Variants in HSPA9 observed in about 807,000 individuals in gnomAD.
HSPA9 encodes the protein heat shock protein family A (Hsp70) member 9.
A neutral mutation model predicts 81.5 loss-of-function variants in HSPA9; 28 were observed. The observed-to-expected ratio is 0.34, with a 90% confidence interval of 0.25 to 0.47. The LOEUF (loss-of-function observed/expected upper bound fraction) is 0.47. Among genes scored for constraint, HSPA9 ranks in the 20% least tolerant of loss-of-function variants. The pLI is 1.00. For synonymous variants in HSPA9, 293 were observed against 290.4 expected (o/e 1.01, Z -0.09); for missense variants, 678 against 838.0 (o/e 0.81, Z 2.36).
intron 3 of HSPA9, among the ~76,000 whole-genome samples, chr5:138,572,971 C>A (rs1306226801): frequency 6.6e-6 from 1 of 152,062 alleles, no homozygotes; most frequent in Non-Finnish European, 1.5e-5. Flanking sequence ...TCTTGGCTCA[C>A]TGCAACCTCC....
At chr5:138,574,019 T>G in intron 2 of HSPA9, 49 bp downstream of exon 2, 1 of 1,460,056 alleles carries the variant, frequency 6.8e-7, no homozygotes, top group Non-Finnish European at 9.6e-7. Context: ...AAACACTGCT[T>G]TGAAGTTTAA....
intron 11 of HSPA9, 23 bp from the exon 12 acceptor site, chr5:138,558,680 G>A: frequency 2.1e-6 from 3 of 1,458,608 alleles, no homozygotes; most frequent in Non-Finnish European, 2.9e-6. Context: ...AAACCCTCCT[G>A]GGTTGTCAAT....
intron 3 of HSPA9, among the ~76,000 whole-genome samples, chr5:138,571,460 A>G (rs1750888365): frequency 6.6e-6 from 1 of 151,528 alleles, no homozygotes; most frequent in Admixed American, 6.6e-5. Context: ...GTTGCGATAC[A>G]GGCATGAGCC....
At chr5:138,565,870 G>C (rs1320131352) in intron 9 of HSPA9, among the ~76,000 whole-genome samples, 4 of 152,128 alleles carry the variant, frequency 2.6e-5, no homozygotes, top group African/African-American at 7.2e-5. Flanking sequence ...ACTATGACCA[G>C]CTAATTTTTC....
At chr5:138,559,645 AATC>A in intron 11 of HSPA9, 1 of 527,454 alleles carries the variant, frequency 1.9e-6, no homozygotes, top group Non-Finnish European at 3.4e-6. Flanking sequence ...TCCTTCTTAT[AATC>A]ATCACTACCA....
chr5:138,561,950 T>A (rs1304926365), intron 9 of HSPA9, among the ~76,000 whole-genome samples, 161 bp from the exon 10 acceptor site: 1 of 151,972 alleles, frequency 6.6e-6, no homozygotes, highest in Non-Finnish European at 1.5e-5. Flanking sequence ...AATACTTTTT[T>A]TTTTTTTGAG....
intron 12 of HSPA9, among the ~76,000 whole-genome samples, 169 bp downstream of exon 12, chr5:138,558,384 G>C (rs1442233003): frequency 1.3e-5 from 2 of 151,752 alleles, no homozygotes; most frequent in African/African-American, 4.8e-5. Context: ...AAAAAGCAAG[G>C]CTTTCAGGTA....
chr5:138,570,018 T>C (rs1161174087), intron 4 of HSPA9, among the ~76,000 whole-genome samples: 3 of 151,640 alleles, frequency 2.0e-5, no homozygotes, highest in African/African-American at 4.8e-5. Flanking sequence ...GCTGGGACTA[T>C]AGGCGCGCAC....
rs1750668022 is a variant in HSPA9 at position 138,561,892 on chromosome 5, C to T, written c.973-103G>A. 4.5e-6 allele frequency: 4 copies of T among 898,446 alleles called. No individual in the cohort carries two copies. In the Admixed American group the frequency reaches 5.2e-5, roughly 12 times the overall value. The allele number at this position is 898,446 out of a possible 1,614,324, so 55.7% of individuals were successfully genotyped here. A position where few individuals can be genotyped will look rare whatever the true frequency, so the allele number is the denominator to read the frequency against. On this transcript the variant is annotated intron_variant, in intron 9 of 16. Transcript: ENST00000297185. ...ACCATGCCCTAGGACAGAAGACTTG[C>T]AAAACCAAAGGGAGGGTGAGATCTA... is the stretch of plus-strand genomic sequence containing the variant.
chr5:138,561,327 T>C (rs1296663009), intron 10 of HSPA9, among the ~76,000 whole-genome samples: 1 of 152,070 alleles, frequency 6.6e-6, no homozygotes, highest in Non-Finnish European at 1.5e-5. Context: ...TACATATATA[T>C]ATATAAATTA....
intron 16 of HSPA9, 61 bp from the exon 17 acceptor site, chr5:138,556,175 T>G: frequency 7.3e-7 from 1 of 1,372,060 alleles, no homozygotes; most frequent in Non-Finnish European, 1.0e-6. Flanking sequence ...ATTTGCTCTT[T>G]GTTGCACTCC....
Position 138,569,024 on chromosome 5 carries a change from G to C in HSPA9, c.436C>G (p.Arg146Gly). Reference sequence around the variant, plus strand: ...ACCCAGGCATCACCATTGGAGGCACGGACAATTTTAAAGGGAACATTTTTA... The same window carrying C: ...ACCCAGGCATCACCATTGGAGGCACCGACAATTTTAAAGGGAACATTTTTA... ...DIKNVPFKIVRASNGDAWVEA... is the reference protein window; with the variant it reads ...DIKNVPFKIVGASNGDAWVEA... The change falls in exon 5 of 17, where the codon CGT becomes GGT. Residue 146 changes from arginine to glycine, a missense_variant. Physicochemically the swap from Arg to Gly is moderately radical, Grantham distance 125 (BLOSUM62 -2). Around this residue, in one of 4 missense-constraint regions of HSPA9, gnomAD observed 484 missense variants for 647.5 expected, o/e 0.75. Transcript: ENST00000297185. 1 of 1,613,622 alleles carries C rather than the reference G, an allele frequency of 6.2e-7. No homozygotes were observed. Among genetic ancestry groups the C allele is most frequent in the Non-Finnish European group, 8.5e-7 (1 of 1,179,694 alleles).
intron 9 of HSPA9, among the ~76,000 whole-genome samples, chr5:138,562,815 G>A (rs1750688456): frequency 6.6e-6 from 1 of 152,082 alleles, no homozygotes; most frequent in African/African-American, 2.4e-5. Flanking sequence ...ATTAACCCTG[G>A]GCTCTGTAAG....
At chr5:138,558,461 G>T in intron 12 of HSPA9, 92 bp downstream of exon 12, 1 of 870,806 alleles carries the variant, frequency 1.1e-6, no homozygotes, top group Non-Finnish European at 2.0e-6. Context: ...GTATGTGTAT[G>T]CCAGCAGTTT....
intron 13 of HSPA9, 47 bp downstream of exon 13, chr5:138,557,822 G>C: frequency 8.7e-7 from 1 of 1,153,626 alleles, no homozygotes; most frequent in South Asian, 1.2e-5. Context: ...CTATTCCCAA[G>C]ACCTCCCTCA....
intron 9 of HSPA9, among the ~76,000 whole-genome samples, chr5:138,562,999 C>T (rs1750690929): frequency 6.6e-6 from 1 of 152,190 alleles, no homozygotes; most frequent in Non-Finnish European, 1.5e-5. Context: ...CAGTGTGTAA[C>T]TGAGAGTGAG....
intron 3 of HSPA9, among the ~76,000 whole-genome samples, chr5:138,571,445 G>T (rs1447018124): frequency 6.6e-6 from 1 of 151,024 alleles, no homozygotes; most frequent in East Asian, 2.0e-4. Context: ...TCAGCCTCCC[G>T]AAGTGTTGCG....
chr5:138,557,582 C>A, intron 13 of HSPA9, 86 bp from the exon 14 acceptor site: 1 of 838,658 alleles, frequency 1.2e-6, no homozygotes, highest in South Asian at 1.4e-5. Context: ...TACTCCTGCT[C>A]ATAGCAGCCA....
Position 138,575,336 on chromosome 5 carries a change from G to C in HSPA9, c.-18C>G, listed in dbSNP as rs377088356. The C allele has an allele frequency of 4.4e-6, 7 of 1,602,776 alleles. No homozygotes were observed. The highest frequency in any genetic ancestry group is 6.0e-6 in the Non-Finnish European group (7 of 1,171,608). ...CTTATCATGGCGGATAAATGGAGGA[G>C]TACGAGGCAGCAAACAAGCGCTCCG... On this transcript the variant is annotated 5_prime_UTR_variant, in exon 1 of 17. Coordinates refer to ENST00000297185, the MANE Select transcript of HSPA9 (RefSeq NM_004134.7).
Sources: gnomAD v4.1 joint callset for allele counts (sites outside exome capture counted in the v4.1 genomes callset) on GRCh38, gnomAD v4.1.1 for gene constraint, gnomAD v4.1.1 regional missense constraint, MANE v1.5 for transcripts, NCBI Gene and HGNC (gene_info 2026-07-23, HGNC 2026-07-21) for gene names.